Variants in ANGEL2 observed in about 807,000 individuals in gnomAD.
ANGEL2 encodes the protein RNA 2',3'-cyclic phosphatase ANGEL2.
ANGEL2 carries 41 observed loss-of-function variants against 66.0 expected under a neutral mutation model. The ratio of observed to expected loss-of-function variants is 0.62; its 90% confidence interval spans 0.48 to 0.81. The LOEUF (loss-of-function observed/expected upper bound fraction) is 0.81. ANGEL2 is among the 30% of genes least tolerant of loss of function. The pLI is 0.00. For synonymous variants in ANGEL2, 208 were observed against 226.5 expected, an observed-to-expected ratio of 0.92 and a Z score of 0.73; for missense variants, 561 against 641.6, an observed-to-expected ratio of 0.87 and a Z score of 1.36.
At chr1:213,008,836 T>C (rs2076416494) in intron 2 of ANGEL2, among the ~76,000 whole-genome samples, 1 of 152,234 alleles carries the variant, frequency 6.6e-6, no homozygotes, top group Non-Finnish European at 1.5e-5. Context: ...AACAACAAAT[T>C]TGTATGTCAA....
At position 213,010,472 on chromosome 1, in the gene ANGEL2, T is replaced by C. The variant is rs2076474998; in HGVS notation, c.386-2006A>G. 3.3e-5 allele frequency among the ~76,000 whole-genome samples: 5 copies of C among 151,120 alleles called. No homozygotes were observed. In the Admixed American group the frequency reaches 3.3e-4, roughly 10 times the overall value. The stretch of plus-strand genomic sequence containing the variant: ...CTGCAGTCCCAGCTACTCGGGAGGC[T>C]GAGACAGGAGAATGGCGTGAACCTG... On this transcript the variant is annotated intron_variant, in intron 2 of 8. Transcript: ENST00000366962.
intron 5 of ANGEL2, 82 bp downstream of exon 5, chr1:213,004,951 T>C (rs1254413465): frequency 1.6e-5 from 17 of 1,054,424 alleles, no homozygotes; most frequent in East Asian, 5.9e-5. Context: ...GGTTTTCAAA[T>C]AGCCATGTAA....
chr1:213,000,654 A>G, intron 6 of ANGEL2, 132 bp downstream of exon 6: 1 of 1,073,144 alleles, frequency 9.3e-7, no homozygotes, highest in East Asian at 2.9e-5. Context: ...TTAAGAAAAA[A>G]AATGAATAAC....
chr1:212,992,189 A>G lies in ANGEL2; in HGVS notation c.*2852T>C, dbSNP rs1204027429. 6.6e-6 allele frequency: 1 copy of G among 152,234 alleles called. No homozygotes were observed. The highest frequency in any genetic ancestry group is 1.5e-5 in the Non-Finnish European group (1 of 68,044). The allele number at this position is 152,234 out of a possible 1,614,324, so 9.4% of individuals were successfully genotyped here. On this transcript the variant is annotated 3_prime_UTR_variant, in exon 9 of 9. Coordinates refer to ENST00000366962, the MANE Select transcript of ANGEL2 (RefSeq NM_144567.5). Reference sequence around the variant, plus strand: ...AACCTTCAGGCACAGAAGTACGAGTATAATAGTTTATTACCTAACTTACAG... The same window carrying G: ...AACCTTCAGGCACAGAAGTACGAGTGTAATAGTTTATTACCTAACTTACAG...
chr1:212,996,495 G>T (rs1304014249), intron 8 of ANGEL2, among the ~76,000 whole-genome samples: 2 of 150,948 alleles, frequency 1.3e-5, no homozygotes, highest in Non-Finnish European at 3.0e-5. Flanking sequence ...GGTGGCTCAT[G>T]CCTGTAGTCT....
At chr1:213,013,674 A>G (rs2076566271) in intron 1 of ANGEL2, among the ~76,000 whole-genome samples, 1 of 152,222 alleles carries the variant, frequency 6.6e-6, no homozygotes, top group African/African-American at 2.4e-5. Flanking sequence ...AATACCACAT[A>G]CCCCTGAAAA....
rs1273959795 is a variant in ANGEL2, at chr1:212,992,724, A to G, written c.*2317T>C. On this transcript the variant is annotated 3_prime_UTR_variant, in exon 9 of 9. Coordinates refer to ENST00000366962, the MANE Select transcript of ANGEL2 (RefSeq NM_144567.5). ...TGAAAAATGGGCCTAAAGTCACAATATATTAATCAGGATATAAAAAATTAA... is the reference window on the plus strand; with the variant it reads ...TGAAAAATGGGCCTAAAGTCACAATGTATTAATCAGGATATAAAAAATTAA... 1 of 152,244 alleles carries G rather than the reference A, an allele frequency of 6.6e-6. No homozygotes were observed. The highest frequency in any genetic ancestry group is 2.4e-5 in the African/African-American group (1 of 41,462). 9.4% of individuals were successfully genotyped at this position (152,244 alleles called of 1,614,324 possible).
intron 8 of ANGEL2, among the ~76,000 whole-genome samples, chr1:212,996,240 G>A (rs1299629668): frequency 6.6e-6 from 1 of 152,172 alleles, no homozygotes; most frequent in Non-Finnish European, 1.5e-5. Flanking sequence ...CTGGGAGGCG[G>A]AGCTTGCAGT....
intron 8 of ANGEL2, among the ~76,000 whole-genome samples, chr1:212,996,439 C>T (rs1056924407): frequency 2.7e-5 from 4 of 150,666 alleles, no homozygotes; most frequent in Admixed American, 6.6e-5. Context: ...CTGGGCAACA[C>T]GGTGAAACCC....
In ANGEL2 at chr1:212,992,390, T is replaced by G. The variant is rs779629748; in HGVS notation, c.*2651A>C. ...AGCAAAAGGTACAGTAAAACCAAAA[T>G]TTCATTACTCCACAGTTTACCTTTC... On this transcript the variant is annotated 3_prime_UTR_variant, in exon 9 of 9. Transcript: ENST00000366962. The G allele has an allele frequency of 6.6e-6, 1 of 152,200 alleles. No individual in the cohort carries two copies. The highest frequency in any genetic ancestry group is 1.9e-4 in the East Asian group (1 of 5,200). 9.4% of individuals were successfully genotyped at this position (152,200 alleles called of 1,614,324 possible).
intron 1 of ANGEL2, 96 bp downstream of exon 1, chr1:213,015,514 AGCC>A: frequency 7.1e-7 from 1 of 1,407,642 alleles, no homozygotes; most frequent in Non-Finnish European, 9.4e-7. Context: ...TTCCACCCCT[AGCC>A]CGCCCCGCCC....
At chr1:213,006,507 A>G (rs1037586293) in intron 4 of ANGEL2, 2 of 152,124 alleles carry the variant, frequency 1.3e-5, no homozygotes, top group Non-Finnish European at 2.9e-5. Context: ...AATGCAAAGT[A>G]AGCACACTTC....
At chr1:212,995,317 A>T in intron 8 of ANGEL2, 125 bp from the exon 9 acceptor site, 8 of 678,680 alleles carry the variant, frequency 1.2e-5, no homozygotes, top group Non-Finnish European at 1.8e-5. Context: ...AAAAACTATG[A>T]CACAGTTTTT....
intron 2 of ANGEL2, among the ~76,000 whole-genome samples, chr1:213,009,693 CACAAT>C (rs1311413382): frequency 6.6e-6 from 1 of 152,216 alleles, no homozygotes; most frequent in African/African-American, 2.4e-5. Flanking sequence ...AAATCTTCTG[CACAAT>C]ACATTTACAA....
Position 212,997,111 on chromosome 1 carries a change from T to C in ANGEL2, c.1483+44A>G, listed in dbSNP as rs757904830. On this transcript the variant is annotated intron_variant, in intron 8 of 8. Coordinates refer to ENST00000366962, the MANE Select transcript of ANGEL2 (RefSeq NM_144567.5). ...TTAACTTTAACCTTGAGGTTTTAGC[T>C]ACTGTGCTCTCTAGGAGAATTTAAG... 10 of 1,534,132 alleles carry C rather than the reference T, an allele frequency of 6.5e-6. No homozygotes were observed. The Admixed American group carries it at 1.8e-4, about 27-fold the overall frequency.
intron 1 of ANGEL2, 72 bp downstream of exon 1, chr1:213,015,541 T>TGC: frequency 6.8e-7 from 1 of 1,472,076 alleles, no homozygotes; most frequent in Non-Finnish European, 9.1e-7. Context: ...CCCGGGTTAG[T>TGC]CCCGGACGCC....
intron 8 of ANGEL2, 30 bp downstream of exon 8, chr1:212,997,125 G>A: frequency 6.3e-7 from 1 of 1,597,316 alleles, no homozygotes; most frequent in Admixed American, 1.7e-5. Flanking sequence ...GTGCTCTCTA[G>A]GAGAATTTAA....
Position 213,008,329 on chromosome 1 carries a change from G to C in ANGEL2, c.523C>G (p.Leu175Val). 6.2e-7 allele frequency: 1 copy of C among 1,614,158 alleles called. No homozygotes were observed. The highest frequency in any genetic ancestry group is 1.1e-5 in the South Asian group (1 of 91,084). ...FDFSVMSYNILSQDLLEDNSH... is the reference protein window; with the variant it reads ...FDFSVMSYNIVSQDLLEDNSH... The stretch of plus-strand genomic sequence containing the variant: ...TTATCTTCCAGTAAATCTTGTGAAA[G>C]TATATTATAGGACATCACTGAAAAG... Residue 175 changes from leucine to valine, a missense_variant, in exon 3 of 9, where the codon CTT (leucine) becomes GTT (valine). Coordinates refer to ENST00000366962, the MANE Select transcript of ANGEL2 (RefSeq NM_144567.5).
chr1:212,999,856 T>C (rs1461748892), intron 7 of ANGEL2, among the ~76,000 whole-genome samples: 1 of 152,232 alleles, frequency 6.6e-6, no homozygotes, highest in Non-Finnish European at 1.5e-5. Flanking sequence ...ATCAATTCTC[T>C]TATAGATGGT....
Sources: gnomAD v4.1 joint callset for allele counts (sites outside exome capture counted in the v4.1 genomes callset) on GRCh38, gnomAD v4.1.1 for gene constraint, MANE v1.5 for transcripts, NCBI Gene and HGNC (gene_info 2026-07-23, HGNC 2026-07-21) for gene names.